The following PCDHA8 variants were observed in gnomAD, a reference collection of about 807,000 sequenced individuals.
The protein encoded by PCDHA8 is protocadherin alpha 8, also known as protocadherin alpha-8.
Under a neutral mutation model 61.8 loss-of-function variants are expected in PCDHA8, and 53 were observed. That is an observed-to-expected ratio of 0.86 (90% CI 0.69 to 1.08). The LOEUF is 1.08. PCDHA8 is among the 50% of genes least tolerant of loss of function. The probability of loss-of-function intolerance (pLI) is 0.00; values close to 1 mark genes in which losing one functional copy is unlikely to be tolerated. For synonymous variants in PCDHA8, 618 were observed against 556.6 expected (o/e 1.11, Z -1.55); for missense variants, 1,293 against 1,245.0 (o/e 1.04, Z -0.58).
rs562972971 is a variant in PCDHA8, at chr5:140,960,395, A to AG, written c.2395-18547dup. 1.1e-4 allele frequency among the ~76,000 whole-genome samples: 17 copies of AG among 152,266 alleles called. No individual in the cohort carries two copies. The Middle Eastern group carries it at 0.014, about 123-fold the overall frequency. ...TTAAGTGCCAAGACATTAGGATGCAAGGGGGGGTGCCCAAAAAGTCAACAA... is the reference window on the plus strand; with the variant it reads ...TTAAGTGCCAAGACATTAGGATGCAAGGGGGGGGTGCCCAAAAAGTCAACAA... On this transcript the variant is annotated intron_variant, in intron 1 of 3. Coordinates refer to ENST00000531613, the MANE Select transcript of PCDHA8 (RefSeq NM_018911.3).
At chr5:140,932,124 A>G (rs2088056676) in intron 1 of PCDHA8, among the ~76,000 whole-genome samples, 1 of 151,956 alleles carries the variant, frequency 6.6e-6, no homozygotes, top group Admixed American at 6.5e-5. Flanking sequence ...GATAATATTT[A>G]AGATATAAAC....
chr5:140,985,977 G>A (rs1341198195), intron 3 of PCDHA8, among the ~76,000 whole-genome samples: 3 of 151,932 alleles, frequency 2.0e-5, no homozygotes, highest in African/African-American at 7.3e-5. Flanking sequence ...CTGACCTCGT[G>A]ATCCGCCCAC....
chr5:140,858,016 G>T, intron 1 of PCDHA8: 1 of 1,596,850 alleles, frequency 6.3e-7, no homozygotes, highest in Non-Finnish European at 8.6e-7. Context: ...ATGGCGAGCC[G>T]TCGCTGACGG....
At chr5:140,926,860 C>T in intron 1 of PCDHA8, 1 of 1,521,078 alleles carries the variant, frequency 6.6e-7, no homozygotes, top group Non-Finnish European at 8.8e-7. Flanking sequence ...GTTGGTGTAG[C>T]GTGTTGGTGG....
chr5:140,842,171 C>T lies in PCDHA8; in HGVS notation c.850C>T (p.Leu284Phe). 5.0e-6 allele frequency: 8 copies of T among 1,613,804 alleles called. No individual in the cohort carries two copies. The highest frequency in any genetic ancestry group is 6.8e-6 in the Non-Finnish European group (8 of 1,179,836). ...NGAISYSFNS[L>F]VETMVIDHFS... ...GGCAATTTCATATTCTTTTAATAGC[C>T]TTGTTGAAACTATGGTTATTGACCA... is the stretch of plus-strand genomic sequence containing the variant. The change falls in exon 1 of 4, where the codon CTT (leucine) becomes TTT (phenylalanine). Residue 284 changes from leucine to phenylalanine, a missense_variant. Coordinates refer to ENST00000531613, the MANE Select transcript of PCDHA8 (RefSeq NM_018911.3).
At chr5:140,993,018 C>T (rs2097537347) in intron 3 of PCDHA8, among the ~76,000 whole-genome samples, 1 of 152,174 alleles carries the variant, frequency 6.6e-6, no homozygotes, top group African/African-American at 2.4e-5. Flanking sequence ...AGTCCAGCAT[C>T]CCCTGTGGGC....
intron 1 of PCDHA8, among the ~76,000 whole-genome samples, chr5:140,972,550 A>G (rs534377572): frequency 6.6e-6 from 1 of 152,114 alleles, no homozygotes; most frequent in Admixed American, 6.5e-5. Context: ...TGCAGTGAGG[A>G]TTCTGAAGTA....
At chr5:140,962,770 G>A (rs1387109570) in intron 1 of PCDHA8, among the ~76,000 whole-genome samples, 1 of 152,164 alleles carries the variant, frequency 6.6e-6, no homozygotes, top group Admixed American at 6.5e-5. Flanking sequence ...TTTTTAACAA[G>A]ATGGAATTTT....
intron 1 of PCDHA8, among the ~76,000 whole-genome samples, chr5:140,893,362 C>T (rs782554595): frequency 6.6e-5 from 10 of 152,110 alleles, no homozygotes; most frequent in African/African-American, 9.7e-5. Flanking sequence ...TACATGCCCA[C>T]CAACAGCATT....
At position 140,853,954 on chromosome 5, in the gene PCDHA8, C is replaced by G. The variant is rs889937140; in HGVS notation, c.2394+10239C>G. The G allele has an allele frequency of 6.5e-5, 49 of 756,134 alleles. 3 individuals are homozygous for G. In the Middle Eastern group the frequency reaches 2.0e-3, roughly 31 times the overall value. The allele number at this position is 756,134 out of a possible 1,614,324, so 46.8% of individuals were successfully genotyped here. On this transcript the variant is annotated intron_variant, in intron 1 of 3. Coordinates refer to ENST00000531613, the MANE Select transcript of PCDHA8 (RefSeq NM_018911.3). The stretch of plus-strand genomic sequence containing the variant: ...GAGGCCAAGGTGGGAGGGTCCCTTC[C>G]TTGAGCCCAGCAGTTTGAGACCAAT...
chr5:140,848,691 T>A (rs1554142358), intron 1 of PCDHA8: 1 of 1,591,900 alleles, frequency 6.3e-7, no homozygotes, highest in Non-Finnish European at 8.6e-7. Flanking sequence ...CCTGTTCCAG[T>A]TGGATTCCAA....
At chr5:140,871,682 A>C (rs1207167654) in intron 1 of PCDHA8, 1 of 1,103,566 alleles carries the variant, frequency 9.1e-7, no homozygotes, top group Non-Finnish European at 1.3e-6. Context: ...TCATATGAAT[A>C]ATCTGGCTTC....
chr5:140,877,120 A>G (rs782093528), intron 1 of PCDHA8: 4 of 1,613,684 alleles, frequency 2.5e-6, no homozygotes, highest in East Asian at 4.5e-5. Context: ...CAGCAACGTG[A>G]CGCTGCAGGT....
At position 141,011,699 on chromosome 5, in the gene PCDHA8, A is replaced by G. The variant is rs537913184; in HGVS notation, c.*1762A>G. 6.5e-6 allele frequency: 1 copy of G among 153,890 alleles called. No homozygotes were observed. Among genetic ancestry groups the G allele is most frequent in the African/African-American group, 2.4e-5 (1 of 41,578 alleles). 9.5% of individuals were successfully genotyped at this position (153,890 alleles called of 1,614,324 possible). A position where few individuals can be genotyped will look rare whatever the true frequency, so the allele number is the denominator to read the frequency against. ...TTGTTCTAGTAACAATTTTGGAATG[A>G]ATACTGACAATATTCCATGAGGGTG... On this transcript the variant is annotated 3_prime_UTR_variant, in exon 4 of 4. Coordinates refer to ENST00000531613, the MANE Select transcript of PCDHA8 (RefSeq NM_018911.3).
intron 1 of PCDHA8, chr5:140,870,542 A>T (rs781984897): frequency 1.2e-6 from 2 of 1,614,132 alleles, no homozygotes; most frequent in Non-Finnish European, 1.7e-6. Context: ...TCGGCGCGGG[A>T]CGCGGACGCG....
chr5:140,956,130 AC>A (rs1328169081), intron 1 of PCDHA8, among the ~76,000 whole-genome samples: 3 of 152,088 alleles, frequency 2.0e-5, no homozygotes. Context: ...CTATTTGAAT[AC>A]CCTTTATTTC....
intron 3 of PCDHA8, among the ~76,000 whole-genome samples, chr5:140,999,514 A>G (rs782202425): frequency 1.4e-4 from 22 of 152,210 alleles, no homozygotes; most frequent in Non-Finnish European, 1.0e-4. Context: ...CATTTTAAGC[A>G]TTTTGTTACC....
intron 1 of PCDHA8, chr5:140,870,634 G>C: frequency 6.2e-7 from 1 of 1,612,862 alleles, no homozygotes; most frequent in Non-Finnish European, 8.5e-7. Context: ...GTCGGTGCAC[G>C]CGGAGAGCGG....
chr5:140,883,640 C>T (rs143631680), intron 1 of PCDHA8: 5 of 1,613,958 alleles, frequency 3.1e-6, no homozygotes, highest in Non-Finnish European at 4.2e-6. Context: ...GTTCGCGCAG[C>T]CCGAGTACAC....
Sources: allele counts gnomAD v4.1 joint callset (sites outside exome capture counted in the v4.1 genomes callset), GRCh38; gene constraint gnomAD v4.1.1; transcripts MANE v1.5; gene names NCBI Gene and HGNC (gene_info 2026-07-23, HGNC 2026-07-21).